The following CLEC2A variants were observed in gnomAD, a reference collection of about 807,000 sequenced individuals.
The protein encoded by CLEC2A is keratinocyte-associated C-type lectin.
CLEC2A carries 19 observed loss-of-function variants against 18.6 expected under a neutral mutation model. The ratio of observed to expected loss-of-function variants is 1.02; its 90% CI spans 0.71 to 1.50. The LOEUF (loss-of-function observed/expected upper bound fraction) is 1.50. Ranked by LOEUF, CLEC2A falls within the 40% of genes most tolerant of loss-of-function variation. The pLI, the probability that CLEC2A is intolerant of heterozygous loss-of-function variation, is 0.00. For synonymous variants in CLEC2A, 74 were observed against 64.0 expected, an observed-to-expected ratio of 1.16 and a Z score of -0.75; for missense variants, 190 against 207.9, an observed-to-expected ratio of 0.91 and a Z score of 0.53.
At chr12:9,901,897 A>T (rs766101089) in intron 4 of CLEC2A, among the ~76,000 whole-genome samples, 9 of 152,248 alleles carry the variant, frequency 5.9e-5, no homozygotes, top group Admixed American at 3.9e-4. Context: ...TGCTCAATTT[A>T]CAGAAAAATC....
At chr12:9,927,167 C>T (rs1230784893) in intron 1 of CLEC2A, among the ~76,000 whole-genome samples, 3 of 152,062 alleles carry the variant, frequency 2.0e-5, no homozygotes, top group African/African-American at 7.2e-5. Flanking sequence ...GACAGTATAG[C>T]CTACTAACAC....
At chr12:9,908,056 T>C (rs1229350225) in intron 4 of CLEC2A, among the ~76,000 whole-genome samples, 2 of 152,184 alleles carry the variant, frequency 1.3e-5, no homozygotes, top group East Asian at 3.8e-4. Context: ...AAAGAGGACA[T>C]GCAGGGTTCA....
intron 1 of CLEC2A, among the ~76,000 whole-genome samples, chr12:9,927,908 A>G (rs1199985368): frequency 6.6e-6 from 1 of 152,172 alleles, no homozygotes; most frequent in African/African-American, 2.4e-5. Flanking sequence ...CAAATTTCAG[A>G]CACCCAAAAT....
At chr12:9,906,879 A>G (rs1404665166) in intron 4 of CLEC2A, among the ~76,000 whole-genome samples, 1 of 152,214 alleles carries the variant, frequency 6.6e-6, no homozygotes, top group African/African-American at 2.4e-5. Flanking sequence ...TACCCTGTTA[A>G]GAAACCTGCT....
chr12:9,914,499 C>G (rs563131081), intron 4 of CLEC2A, among the ~76,000 whole-genome samples: 3 of 152,182 alleles, frequency 2.0e-5, no homozygotes, highest in African/African-American at 4.8e-5. Flanking sequence ...CAGCATGGTA[C>G]TGGTACCAAA....
chr12:9,879,675 C>T, the CLEC2A span, among the ~76,000 whole-genome samples: 1 of 152,190 alleles, frequency 6.6e-6, no homozygotes, highest in African/African-American at 2.4e-5. Flanking sequence ...ACAATAGATT[C>T]ATTACATTGA....
chr12:9,922,007 T>A (rs1261620303), intron 3 of CLEC2A, 59 bp downstream of exon 3: 1 of 1,350,042 alleles, frequency 7.4e-7, no homozygotes, highest in African/African-American at 1.5e-5. Flanking sequence ...TATTATTGTT[T>A]TATTATGTTT....
Position 9,913,322 on chromosome 12 carries a change from T to C in CLEC2A, c.*244A>G. On this transcript the variant is annotated 3_prime_UTR_variant, in exon 5 of 5. Coordinates refer to ENST00000455827, the MANE Select transcript of CLEC2A (RefSeq NM_001130711.2). ...GGGGATGGAGCCATCCATCAGGAGG[T>C]GATTAGTTCATGAGGATGGAGCCAT... 1 of 460,360 alleles carries C rather than the reference T, an allele frequency of 2.2e-6. No homozygotes were observed. Among genetic ancestry groups the C allele is most frequent in the Non-Finnish European group, 3.5e-6 (1 of 286,642 alleles). 28.5% of individuals were successfully genotyped at this position (460,360 alleles called of 1,614,324 possible).
At chr12:9,926,127 A>G in intron 2 of CLEC2A, 133 bp downstream of exon 2, 1 of 530,042 alleles carries the variant, frequency 1.9e-6, no homozygotes, top group Non-Finnish European at 3.3e-6. Context: ...TTGAACTGGT[A>G]AAAATTTGAG....
At chr12:9,897,367 A>T (rs1297350171), downstream of CLEC2A, among the ~76,000 whole-genome samples, 1 of 151,678 alleles carries the variant, frequency 6.6e-6, no homozygotes, top group African/African-American at 2.4e-5. Context: ...AAAACACAAA[A>T]CCCTATTTTT....
rs1284974319 is a variant in CLEC2A at position 9,916,603 on chromosome 12, CAGAA to C, written c.410+93_410+96del. The C allele has an allele frequency of 1.5e-5, 12 of 808,040 alleles. No homozygotes were observed. In the Admixed American group the frequency reaches 2.7e-4, roughly 18 times the overall value. The allele number at this position is 808,040 out of a possible 1,614,324, so 50.1% of individuals were successfully genotyped here. On this transcript the variant is annotated intron_variant, in intron 4 of 4. Transcript: ENST00000455827. ...TGAAAAGTTAATTCCACATGGAAAA[CAGAA>C]AGATTTGTTTATAATAATACAACTC...
At chr12:9,919,850 G>T (rs116944839) in intron 3 of CLEC2A, among the ~76,000 whole-genome samples, 1 of 152,098 alleles carries the variant, frequency 6.6e-6, no homozygotes, top group African/African-American at 2.4e-5. Flanking sequence ...AGCTATTACC[G>T]GCCCAAGAAC....
the CLEC2A span, among the ~76,000 whole-genome samples, chr12:9,879,570 G>T: frequency 6.6e-6 from 1 of 152,306 alleles, no homozygotes; most frequent in East Asian, 1.9e-4. Context: ...CCAGGTGTAT[G>T]TCAGCTCTCC....
At chr12:9,914,525 A>T (rs1052809551) in intron 4 of CLEC2A, among the ~76,000 whole-genome samples, 6 of 152,226 alleles carry the variant, frequency 3.9e-5, no homozygotes, top group African/African-American at 1.4e-4. Flanking sequence ...CATACAGACC[A>T]ATGGAACAGA....
the CLEC2A span, among the ~76,000 whole-genome samples, chr12:9,891,986 A>C: frequency 6.6e-6 from 1 of 152,222 alleles, no homozygotes; most frequent in Non-Finnish European, 1.5e-5. Context: ...TATATACAAA[A>C]TACTAAATGA....
Position 9,932,302 on chromosome 12 carries a change from T to G in CLEC2A, c.28A>C (p.Arg10=). The change falls in exon 1 of 5, where the codon AGA becomes CGA. Residue 10 remains arginine (R), a synonymous_variant. Coordinates refer to ENST00000455827, the MANE Select transcript of CLEC2A (RefSeq NM_001130711.2). ...ATCCGATGTATGAAGCCATCAGCTCTGCCATCCCGCAGCTCTGGATTAATC... is the reference window on the plus strand; with the variant it reads ...ATCCGATGTATGAAGCCATCAGCTCGGCCATCCCGCAGCTCTGGATTAATC... MINPELRDG[R]ADGFIHRIVP... The G allele has an allele frequency of 6.4e-7, 1 of 1,551,952 alleles. No homozygotes were observed. Among genetic ancestry groups the G allele is most frequent in the Non-Finnish European group, 8.7e-7 (1 of 1,146,934 alleles).
In CLEC2A at chr12:9,916,784, G is replaced by A; in HGVS notation, c.326C>T (p.Ala109Val). The A allele has an allele frequency of 6.4e-7, 1 of 1,550,654 alleles. No homozygotes were observed. The highest frequency in any genetic ancestry group is 1.4e-5 in the African/African-American group (1 of 73,110). The stretch of plus-strand genomic sequence containing the variant: ...TCCAATCCAGTGCATATCAGTTCCT[G>A]CGTACCTCTTCAAAAATTCCTTTCA... ...QEDMEFLKRY[A>V]GTDMHWIGLS... Residue 109 changes from alanine to valine, a missense_variant, in exon 4 of 5, where the codon GCA becomes GTA. Transcript: ENST00000455827.
At chr12:9,909,931 T>G (rs1209971850), downstream of CLEC2A, among the ~76,000 whole-genome samples, 1 of 152,086 alleles carries the variant, frequency 6.6e-6, no homozygotes, top group African/African-American at 2.4e-5. Context: ...TGATGGGCTG[T>G]CTAGGAATAG....
the CLEC2A span, among the ~76,000 whole-genome samples, chr12:9,881,997 C>T: frequency 3.3e-5 from 5 of 151,410 alleles, no homozygotes; most frequent in Admixed American, 6.6e-5. Flanking sequence ...AAACTTAAAG[C>T]GTATATATAT....
Sources: gnomAD v4.1 joint callset for allele counts (sites outside exome capture counted in the v4.1 genomes callset) on GRCh38, gnomAD v4.1.1 for gene constraint, MANE v1.5 for transcripts, NCBI Gene and HGNC (gene_info 2026-07-23, HGNC 2026-07-21) for gene names.